Variants in CCDC18 observed in about 807,000 individuals in gnomAD.
CCDC18 encodes coiled-coil domain containing 18.
CCDC18 carries 157 observed loss-of-function variants against 196.0 expected under a neutral mutation model. The ratio of observed to expected loss-of-function variants is 0.80; its 90% confidence interval spans 0.70 to 0.91. CCDC18 has a LOEUF of 0.91. Among genes scored for constraint, CCDC18 ranks in the 40% least tolerant of loss-of-function variants. The pLI is 0.00. For missense variants in CCDC18, 1,465 were observed against 1,611.6 expected, an observed-to-expected ratio of 0.91 and a Z score of 1.56; for synonymous variants, 482 against 529.2, an observed-to-expected ratio of 0.91 and a Z score of 1.22.
intron 21 of CCDC18, among the ~76,000 whole-genome samples, chr1:93,242,281 C>A (rs1660903168): frequency 6.6e-6 from 1 of 152,070 alleles, no homozygotes; most frequent in Non-Finnish European, 1.5e-5. Flanking sequence ...GCTGGGGAGG[C>A]CTCACAATCA....
At chr1:93,187,242 C>G (rs1054927802) in intron 4 of CCDC18, among the ~76,000 whole-genome samples, 2 of 151,862 alleles carry the variant, frequency 1.3e-5, no homozygotes, top group African/African-American at 4.8e-5. Context: ...TACTAAGATG[C>G]AAAGTTGTTT....
intron 26 of CCDC18, among the ~76,000 whole-genome samples, chr1:93,259,712 A>C (rs376647524): frequency 6.6e-6 from 1 of 152,338 alleles, no homozygotes; most frequent in East Asian, 1.9e-4. Flanking sequence ...CCTAAGGCTA[A>C]GAATTTGCAA....
chr1:93,194,454 A>C (rs879409297), intron 6 of CCDC18, among the ~76,000 whole-genome samples: 4 of 152,230 alleles, frequency 2.6e-5, no homozygotes, highest in Admixed American at 1.3e-4. Flanking sequence ...AATATTGCTT[A>C]GTAGAAAATG....
chr1:93,222,785 G>A (rs1657652922), intron 16 of CCDC18, among the ~76,000 whole-genome samples: 1 of 152,146 alleles, frequency 6.6e-6, no homozygotes, highest in Admixed American at 6.5e-5. Flanking sequence ...CCGAAGTTTT[G>A]TAACTAACTG....
intron 17 of CCDC18, among the ~76,000 whole-genome samples, chr1:93,231,494 T>G (rs1659234556): frequency 6.6e-6 from 1 of 152,116 alleles, no homozygotes; most frequent in Non-Finnish European, 1.5e-5. Flanking sequence ...AATCATCACT[T>G]ATTAAATCTT....
chr1:93,263,441 T>C (rs1327504202), intron 26 of CCDC18, among the ~76,000 whole-genome samples: 1 of 152,202 alleles, frequency 6.6e-6, no homozygotes, highest in Non-Finnish European at 1.5e-5. Context: ...TCTTGAATCC[T>C]TAAAAATTTC....
At chr1:93,274,853 GTTAAAC>G (rs749157889) in intron 28 of CCDC18, among the ~76,000 whole-genome samples, 5 of 152,134 alleles carry the variant, frequency 3.3e-5, no homozygotes, top group African/African-American at 4.8e-5. Context: ...GTAGCCTATT[GTTAAAC>G]TTAAAGATTG....
At chr1:93,225,256 T>C (rs1052815720) in intron 16 of CCDC18, among the ~76,000 whole-genome samples, 1 of 152,218 alleles carries the variant, frequency 6.6e-6, no homozygotes, top group Non-Finnish European at 1.5e-5. Flanking sequence ...TCTTAATAGA[T>C]GAGATGTGGA....
chr1:93,229,282 C>G (rs1024468556), intron 17 of CCDC18, among the ~76,000 whole-genome samples: 1 of 152,208 alleles, frequency 6.6e-6, no homozygotes, highest in Non-Finnish European at 1.5e-5. Context: ...GGTCATCTGT[C>G]ACATGTTCAT....
At chr1:93,266,329 C>T (rs760882688) in intron 27 of CCDC18, among the ~76,000 whole-genome samples, 107 of 152,234 alleles carry the variant, frequency 7.0e-4, no homozygotes, top group Non-Finnish European at 1.3e-3. Flanking sequence ...TAAATGCCCA[C>T]AAGAGAAAGC....
chr1:93,278,288 C>G (rs1460548625), intron 28 of CCDC18, among the ~76,000 whole-genome samples, 175 bp from the exon 29 acceptor site: 1 of 152,142 alleles, frequency 6.6e-6, no homozygotes. Context: ...TGCACCCGGC[C>G]TGCATTTTAT....
intron 11 of CCDC18, among the ~76,000 whole-genome samples, chr1:93,214,412 G>A (rs1362071390): frequency 2.0e-5 from 3 of 151,860 alleles, no homozygotes; most frequent in Non-Finnish European, 4.4e-5. Context: ...AAGGAAACAG[G>A]GCAACTTAAA....
At chr1:93,215,947 C>A (rs753603929) in intron 12 of CCDC18, among the ~76,000 whole-genome samples, 1 of 152,142 alleles carries the variant, frequency 6.6e-6, no homozygotes, top group Non-Finnish European at 1.5e-5. Flanking sequence ...TAATTGTGGA[C>A]CAGGACCACA....
intron 9 of CCDC18, among the ~76,000 whole-genome samples, chr1:93,210,313 T>C (rs1266412483): frequency 6.6e-6 from 1 of 152,186 alleles, no homozygotes; most frequent in African/African-American, 2.4e-5. Context: ...ATTTGTAAAA[T>C]TTGGGACACA....
At chr1:93,180,711 C>A, upstream of CCDC18, 1 of 1,357,650 alleles carries the variant, frequency 7.4e-7, no homozygotes, top group South Asian at 1.1e-5. Context: ...CGCGTCCCAA[C>A]GGCTCCCGCG....
intron 6 of CCDC18, among the ~76,000 whole-genome samples, chr1:93,198,211 A>G (rs1653125292): frequency 6.6e-6 from 1 of 152,246 alleles, no homozygotes; most frequent in African/African-American, 2.4e-5. Flanking sequence ...AGAATGTTAG[A>G]GTAATTTTAT....
Position 93,221,958 on chromosome 1 carries a change from T to TTTTC in CCDC18, c.2175+31_2175+34dup, listed in dbSNP as rs977531353. On this transcript the variant is annotated intron_variant, in intron 16 of 28. Coordinates refer to ENST00000690025, the MANE Select transcript of CCDC18 (RefSeq NM_001378204.1). ...CAAGGCTAGTATGCTAATACTTTAT[T>TTTTC]TTTCTTTCTTTCCTTTTTTTTTTTT... 6 of 1,479,636 alleles carry TTTTC rather than the reference T, an allele frequency of 4.1e-6. No individual in the cohort carries two copies. The African/African-American group carries it at 8.8e-5, about 22-fold the overall frequency. The allele number at this position is 1,479,636 out of a possible 1,614,324, so 91.7% of individuals were successfully genotyped here. A position where few individuals can be genotyped will look rare whatever the true frequency, so the allele number is the denominator to read the frequency against.
chr1:93,232,356 C>A, intron 17 of CCDC18, 70 bp from the exon 18 acceptor site: 1 of 928,374 alleles, frequency 1.1e-6, no homozygotes, highest in Non-Finnish European at 1.6e-6. Context: ...AGGAGGACAG[C>A]TTTGACATTT....
chr1:93,250,220 A>C (rs998148480), intron 23 of CCDC18, among the ~76,000 whole-genome samples: 76 of 151,984 alleles, frequency 5.0e-4, no homozygotes, highest in African/African-American at 1.8e-3. Context: ...CTCTACAAAA[A>C]GTGAAAAAAA....
Sources: allele counts gnomAD v4.1 joint callset (sites outside exome capture counted in the v4.1 genomes callset), GRCh38; gene constraint gnomAD v4.1.1; transcripts MANE v1.5; gene names NCBI Gene and HGNC (gene_info 2026-07-23, HGNC 2026-07-21).